Variants in SLC25A21 observed in about 807,000 individuals in gnomAD.
The protein encoded by SLC25A21 is mitochondrial 2-oxodicarboxylate carrier.
In SLC25A21, 47 loss-of-function variants were observed where a neutral mutation model predicts 43.8. The ratio of observed to expected loss-of-function variants is 1.07; its 90% confidence interval spans 0.85 to 1.37. SLC25A21 has a LOEUF of 1.37. SLC25A21 is among the 40% of genes most tolerant of loss of function. The pLI, the probability that SLC25A21 is intolerant of heterozygous loss-of-function variation, is 0.00. For synonymous variants in SLC25A21, 131 were observed against 121.3 expected (o/e 1.08, Z -0.52); for missense variants, 352 against 350.2 (o/e 1.00, Z -0.04).
At chr14:36,763,333 C>T (rs1167718071) in intron 3 of SLC25A21, among the ~76,000 whole-genome samples, 2 of 152,308 alleles carry the variant, frequency 1.3e-5, no homozygotes, top group South Asian at 2.1e-4. Flanking sequence ...CAAATATTTA[C>T]TGAGTGCTGC....
chr14:37,039,650 T>C (rs1483334266), intron 1 of SLC25A21, among the ~76,000 whole-genome samples: 1 of 152,198 alleles, frequency 6.6e-6, no homozygotes, highest in Non-Finnish European at 1.5e-5. Context: ...CAAGAGGCAT[T>C]TATTGAGCCT....
At chr14:36,696,923 G>A (rs865896565) in intron 7 of SLC25A21, among the ~76,000 whole-genome samples, 4 of 152,032 alleles carry the variant, frequency 2.6e-5, no homozygotes, top group Non-Finnish European at 5.9e-5. Flanking sequence ...GTTCTGCTCC[G>A]ATTGTAGTTA....
rs557562540 is a variant in SLC25A21, at chr14:36,993,170, A to G, written c.71-118166T>C. Among the ~76,000 whole-genome samples the G allele has an allele frequency of 2.0e-5, 3 of 152,268 alleles. No individual in the cohort carries two copies. In the South Asian group the frequency reaches 6.2e-4, roughly 32 times the overall value. On this transcript the variant is annotated intron_variant, in intron 1 of 9. Coordinates refer to ENST00000331299, the MANE Select transcript of SLC25A21 (RefSeq NM_030631.4). ...TATCTAATTAATACTGCTATTTTCT[A>G]TAGAATCATATTACTGCAAGCTACA...
chr14:36,745,414 GCCACACTGTCTT>G (rs1566565637), intron 3 of SLC25A21, among the ~76,000 whole-genome samples: 3 of 152,016 alleles, frequency 2.0e-5, no homozygotes, highest in Admixed American at 6.6e-5. Context: ...TTGAGGAATC[GCCACACTGTCTT>G]CCACAATGGT....
intron 1 of SLC25A21, among the ~76,000 whole-genome samples, chr14:37,086,741 T>C (rs1336997397): frequency 6.6e-6 from 1 of 152,170 alleles, no homozygotes; most frequent in African/African-American, 2.4e-5. Context: ...AGTTAATCCA[T>C]GTGGAGTACT....
chr14:36,880,297 A>T lies in SLC25A21; in HGVS notation c.71-5293T>A, dbSNP rs1371906774. On this transcript the variant is annotated intron_variant, in intron 1 of 9. Coordinates refer to ENST00000331299, the MANE Select transcript of SLC25A21 (RefSeq NM_030631.4). ...AACTTTGGGCATAGAGGCCACACAC[A>T]GCACAGCAACAAGACAGACATAGTG... Among the ~76,000 whole-genome samples the T allele has an allele frequency of 2.0e-5, 3 of 152,224 alleles. No individual in the cohort carries two copies. In the East Asian group the frequency reaches 5.8e-4, roughly 29 times the overall value.
In SLC25A21 at chr14:37,061,873, T is replaced by TGCCCCAATGGCAAC. The variant is rs769083662; in HGVS notation, c.70+110407_70+110408insGTTGCCATTGGGGC. ...TGTGGTTCAATTTCCTTCTGGGAAA[T>TGCCCCAATGGCAAC]GCTCCAATGGCAACATTTCAGGTTC... On this transcript the variant is annotated intron_variant, in intron 1 of 9. Transcript: ENST00000331299. Among the ~76,000 whole-genome samples the TGCCCCAATGGCAAC allele has an allele frequency of 6.6e-5, 10 of 152,314 alleles. No homozygotes were observed. The Middle Eastern group carries it at 0.017, about 259-fold the overall frequency.
chr14:36,965,907 A>G (rs989163493), intron 1 of SLC25A21, among the ~76,000 whole-genome samples: 1 of 152,230 alleles, frequency 6.6e-6, no homozygotes, highest in African/African-American at 2.4e-5. Context: ...AACACAAAGA[A>G]TAAATGCTTG....
At chr14:36,905,948 G>A (rs1359228062) in intron 1 of SLC25A21, among the ~76,000 whole-genome samples, 2 of 152,114 alleles carry the variant, frequency 1.3e-5, no homozygotes, top group East Asian at 3.9e-4. Flanking sequence ...CGTGGCAGAA[G>A]AACACAATGA....
At position 36,947,984 on chromosome 14, in the gene SLC25A21, TG is replaced by T. The variant is rs200213825; in HGVS notation, c.71-72981del. On this transcript the variant is annotated intron_variant, in intron 1 of 9. Coordinates refer to ENST00000331299, the MANE Select transcript of SLC25A21 (RefSeq NM_030631.4). ...TAGTAACCAGATATTTCTTTTTCCTTGAAGAAGGGACCATCATTATTCCAAA... is the reference window on the plus strand; with the variant it reads ...TAGTAACCAGATATTTCTTTTTCCTTAAGAAGGGACCATCATTATTCCAAA... 7.1e-3 allele frequency among the ~76,000 whole-genome samples: 1,081 copies of T among 152,294 alleles called. 17 individuals carry two copies. Among genetic ancestry groups the T allele is most frequent in the African/African-American group, 0.024 (999 of 41,564 alleles).
At chr14:36,928,510 A>G (rs1210701752) in intron 1 of SLC25A21, among the ~76,000 whole-genome samples, 1 of 152,132 alleles carries the variant, frequency 6.6e-6, no homozygotes, top group Admixed American at 6.6e-5. Context: ...GGGAGGTTAA[A>G]GTTGTACATT....
rs571068001 is a variant in SLC25A21 at position 37,169,788 on chromosome 14, G to A, written c.70+2493C>T. 2.2e-4 allele frequency among the ~76,000 whole-genome samples: 34 copies of A among 151,970 alleles called. 2 individuals carry two copies. The highest frequency in any genetic ancestry group is 4.6e-4 in the Non-Finnish European group (31 of 67,964). On this transcript the variant is annotated intron_variant, in intron 1 of 9. Coordinates refer to ENST00000331299, the MANE Select transcript of SLC25A21 (RefSeq NM_030631.4). Reference sequence around the variant, plus strand: ...CAGTGCAATAAAGATAAAGTTTTATGAAAATGTTTTTGGCCAAGTAAAAGA... The same window carrying A: ...CAGTGCAATAAAGATAAAGTTTTATAAAAATGTTTTTGGCCAAGTAAAAGA...
intron 1 of SLC25A21, among the ~76,000 whole-genome samples, chr14:36,993,177 C>G (rs145348294): frequency 5.9e-5 from 9 of 152,112 alleles, no homozygotes; most frequent in African/African-American, 2.2e-4. Context: ...TCTATAGAAT[C>G]ATATTACTGC....
chr14:36,963,309 A>C (rs973422032), intron 1 of SLC25A21, among the ~76,000 whole-genome samples: 4 of 152,302 alleles, frequency 2.6e-5, no homozygotes, highest in African/African-American at 7.2e-5. Flanking sequence ...AATGCTGCTT[A>C]GATCATGTGA....
chr14:36,680,491 A>G lies in SLC25A21; in HGVS notation c.*167T>C. Reference sequence around the variant, plus strand: ...GTTTTATTTATACAGCCAAAACTATAATCTCAAGTTGCCTATAGACATTTT... The same window carrying G: ...GTTTTATTTATACAGCCAAAACTATGATCTCAAGTTGCCTATAGACATTTT... On this transcript the variant is annotated 3_prime_UTR_variant, in exon 10 of 10. Transcript: ENST00000331299. The G allele has an allele frequency of 8.0e-7, 1 of 1,249,952 alleles. No individual in the cohort carries two copies. The highest frequency in any genetic ancestry group is 3.9e-5 in the Admixed American group (1 of 25,604). The allele number at this position is 1,249,952 out of a possible 1,614,324, so 77.4% of individuals were successfully genotyped here.
At chr14:37,090,729 A>G (rs540192923) in intron 1 of SLC25A21, among the ~76,000 whole-genome samples, 1 of 152,306 alleles carries the variant, frequency 6.6e-6, no homozygotes, top group South Asian at 2.1e-4. Context: ...TAAAAACAAC[A>G]TGTTTACCCC....
intron 1 of SLC25A21, among the ~76,000 whole-genome samples, chr14:36,961,101 T>C (rs7150942): frequency 0.37 from 56,074 of 151,766 alleles, 10,515 homozygotes; most frequent in South Asian, 0.48. Flanking sequence ...AACCCACACC[T>C]GGATACCACA....
intron 1 of SLC25A21, among the ~76,000 whole-genome samples, chr14:36,930,448 G>A (rs1892255838): frequency 6.6e-6 from 1 of 152,024 alleles, no homozygotes; most frequent in Non-Finnish European, 1.5e-5. Flanking sequence ...CATCCACTCA[G>A]TAACCAAGTT....
At chr14:37,022,775 A>G (rs1594756444) in intron 1 of SLC25A21, among the ~76,000 whole-genome samples, 1 of 152,052 alleles carries the variant, frequency 6.6e-6, no homozygotes, top group Non-Finnish European at 1.5e-5. Flanking sequence ...CTATGCCCAA[A>G]TGTCCTGAAA....
Sources: gnomAD v4.1 joint callset for allele counts (sites outside exome capture counted in the v4.1 genomes callset) on GRCh38, gnomAD v4.1.1 for gene constraint, MANE v1.5 for transcripts, NCBI Gene and HGNC (gene_info 2026-07-23, HGNC 2026-07-21) for gene names.